Variants in CUL2 observed in about 807,000 individuals in gnomAD.
CUL2 encodes cullin-2.
In CUL2, 22 loss-of-function variants were observed where a neutral mutation model predicts 110.2. The ratio of observed to expected loss-of-function variants is 0.20; its 90% CI spans 0.14 to 0.28. CUL2 has a LOEUF of 0.28. Among genes scored for constraint, CUL2 ranks in the 10% least tolerant of loss-of-function variants. The pLI is 1.00. For synonymous variants in CUL2, 279 were observed against 293.2 expected, an observed-to-expected ratio of 0.95 and a Z score of 0.49; for missense variants, 631 against 905.5, an observed-to-expected ratio of 0.70 and a Z score of 3.89.
intron 1 of CUL2, among the ~76,000 whole-genome samples, chr10:35,119,530 C>T (rs996833988): frequency 6.6e-6 from 1 of 151,686 alleles, no homozygotes; most frequent in Non-Finnish European, 1.5e-5. Flanking sequence ...TCTAGGTATA[C>T]TATAATTTTT....
At chr10:35,068,344 C>T (rs932219240) in intron 2 of CUL2, among the ~76,000 whole-genome samples, 6 of 152,060 alleles carry the variant, frequency 3.9e-5, no homozygotes, top group African/African-American at 1.2e-4. Flanking sequence ...ATCACTTGAA[C>T]CTGGGAGGTG....
intron 1 of CUL2, among the ~76,000 whole-genome samples, chr10:35,111,653 C>T (rs540964775): frequency 7.2e-5 from 11 of 152,258 alleles, no homozygotes; most frequent in Admixed American, 3.3e-4. Flanking sequence ...TTTGGGATGC[C>T]GAGACGGGTG....
intron 9 of CUL2, among the ~76,000 whole-genome samples, chr10:35,036,837 G>A (rs575830914): frequency 5.9e-5 from 9 of 151,972 alleles, no homozygotes; most frequent in African/African-American, 2.2e-4. Flanking sequence ...AGATTCAAGT[G>A]ATCCTCCCAC....
At chr10:35,083,039 C>A (rs112896557) in intron 1 of CUL2, among the ~76,000 whole-genome samples, 22,850 of 151,540 alleles carry the variant, frequency 0.15, 1,937 homozygotes, top group East Asian at 0.24. Flanking sequence ...TGCCTGTAAT[C>A]CCAGCTACTC....
Position 35,012,259 on chromosome 10 carries a change from C to T in CUL2, c.1990-295G>A, listed in dbSNP as rs76233833. 3.4e-3 allele frequency among the ~76,000 whole-genome samples: 516 copies of T among 151,926 alleles called. 5 individuals carry two copies. The highest frequency in any genetic ancestry group is 0.011 in the African/African-American group (446 of 41,384). On this transcript the variant is annotated intron_variant, in intron 19 of 20. Transcript: ENST00000374749. ...TTGTGCCAATATCACATAACCACTG[C>T]TAAAACATCTACAATTTCTAGGGTT...
At chr10:35,010,466 A>C in intron 20 of CUL2, 24 bp from the exon 21 acceptor site, 1 of 1,583,000 alleles carries the variant, frequency 6.3e-7, no homozygotes, top group South Asian at 1.1e-5. Context: ...GTGGAAGTCA[A>C]ACTACTGCCA....
chr10:35,017,586 C>T (rs377556187), intron 17 of CUL2, among the ~76,000 whole-genome samples: 4 of 151,550 alleles, frequency 2.6e-5, no homozygotes, highest in East Asian at 2.0e-4. Context: ...CCCAGCTACT[C>T]GGGAGGCTAA....
intron 1 of CUL2, among the ~76,000 whole-genome samples, chr10:35,079,209 C>A (rs2086890021): frequency 6.6e-6 from 1 of 152,236 alleles, no homozygotes. Flanking sequence ...ATAAAAGTTA[C>A]ATGACCATGG....
intron 1 of CUL2, chr10:35,118,655 C>T (rs1447400377): frequency 1.5e-5 from 2 of 136,424 alleles, no homozygotes; most frequent in African/African-American, 5.5e-5. Context: ...TTCTCATGGT[C>T]CTCAGATGTT....
At chr10:35,078,738 T>C (rs559438612) in intron 1 of CUL2, among the ~76,000 whole-genome samples, 52 of 152,370 alleles carry the variant, frequency 3.4e-4, no homozygotes, top group African/African-American at 1.2e-3. Context: ...ACTTACCTTC[T>C]AAAAGTATAA....
intron 1 of CUL2, among the ~76,000 whole-genome samples, chr10:35,077,330 C>CAAA (rs991140755): frequency 6.9e-6 from 1 of 145,938 alleles, no homozygotes; most frequent in African/African-American, 2.5e-5. Flanking sequence ...AACAAACAAA[C>CAAA]AAAAAAAACA....
At chr10:35,074,098 C>T (rs1402210128) in intron 1 of CUL2, 5 of 1,212,760 alleles carry the variant, frequency 4.1e-6, no homozygotes, top group Non-Finnish European at 5.9e-6. Context: ...GGCACCATTC[C>T]AAGCTCTGAG....
At chr10:35,073,218 A>T (rs2086726523) in intron 1 of CUL2, among the ~76,000 whole-genome samples, 1 of 152,178 alleles carries the variant, frequency 6.6e-6, no homozygotes, top group South Asian at 2.1e-4. Flanking sequence ...CTCATTCCCG[A>T]ACTATCTATA....
intron 4 of CUL2, 61 bp from the exon 5 acceptor site, chr10:35,054,600 T>A: frequency 1.2e-6 from 1 of 818,720 alleles, no homozygotes; most frequent in Non-Finnish European, 2.0e-6. Flanking sequence ...AGCAAATGAC[T>A]TGCAACTTTA....
chr10:35,078,200 T>C (rs1057135349), intron 1 of CUL2, among the ~76,000 whole-genome samples: 3 of 152,138 alleles, frequency 2.0e-5, no homozygotes, highest in Admixed American at 6.6e-5. Context: ...CTAAATGTGA[T>C]GTGTTAACAT....
Position 35,077,354 on chromosome 10 carries a change from C to T in CUL2, c.-22-6015G>A, listed in dbSNP as rs929417938. 4.6e-5 allele frequency among the ~76,000 whole-genome samples: 7 copies of T among 150,716 alleles called. No individual in the cohort carries two copies. The East Asian group carries it at 1.4e-3, about 29-fold the overall frequency. ...ACAAAAAAAACAAACAAAAATTAGC[C>T]GGGTGTGGTGGTGGCTGCCTATAAT... On this transcript the variant is annotated intron_variant, in intron 1 of 20. Coordinates refer to ENST00000374749, the MANE Select transcript of CUL2 (RefSeq NM_003591.4).
intron 16 of CUL2, among the ~76,000 whole-genome samples, chr10:35,026,051 C>G (rs979253031): frequency 6.6e-5 from 10 of 152,328 alleles, no homozygotes; most frequent in African/African-American, 2.4e-4. Context: ...TATGACCACT[C>G]CTTAACAGCA....
chr10:35,074,066 G>T, intron 1 of CUL2: 4 of 900,652 alleles, frequency 4.4e-6, no homozygotes, highest in Non-Finnish European at 7.1e-6. Flanking sequence ...TAACATGCTT[G>T]GTGAATACTT....
At chr10:35,074,129 G>C (rs2086755283) in intron 1 of CUL2, 1 of 1,475,240 alleles carries the variant, frequency 6.8e-7, no homozygotes, top group Non-Finnish European at 9.2e-7. Context: ...ACAAAACAAA[G>C]TTCTTGACTT....
Sources: allele counts gnomAD v4.1 joint callset (sites outside exome capture counted in the v4.1 genomes callset), GRCh38; gene constraint gnomAD v4.1.1; transcripts MANE v1.5; gene names NCBI Gene and HGNC (gene_info 2026-07-23, HGNC 2026-07-21).